The following IL1R1 variants were observed in gnomAD, a reference collection of about 807,000 sequenced individuals.
IL1R1 encodes interleukin 1 receptor type 1, also known as interleukin-1 receptor type 1.
In IL1R1, 22 loss-of-function variants were observed where a neutral mutation model predicts 50.2. The observed-to-expected ratio is 0.44, with a 90% CI of 0.31 to 0.63. IL1R1 has a LOEUF of 0.63. Among genes scored for constraint, IL1R1 ranks in the 20% least tolerant of loss-of-function variants. The pLI is 0.07. For synonymous variants in IL1R1, 251 were observed against 236.7 expected (o/e 1.06, Z -0.55); for missense variants, 509 against 676.2 (o/e 0.75, Z 2.74).
At chr2:102,103,130 T>C (rs1214170697), upstream of IL1R1, among the ~76,000 whole-genome samples, 1 of 152,144 alleles carries the variant, frequency 6.6e-6, no homozygotes, top group East Asian at 1.9e-4. Context: ...CCTGCACAAG[T>C]ACCCCTGAAA....
chr2:102,173,028 C>T (rs912576530), intron 9 of IL1R1, among the ~76,000 whole-genome samples, 190 bp downstream of exon 9: 5 of 152,170 alleles, frequency 3.3e-5, no homozygotes, highest in African/African-American at 7.2e-5. Context: ...TGCTGCCTGC[C>T]CTTAACCCAG....
At chr2:102,165,628 T>C (rs992372825) in intron 5 of IL1R1, among the ~76,000 whole-genome samples, 4 of 152,214 alleles carry the variant, frequency 2.6e-5, no homozygotes, top group African/African-American at 7.2e-5. Context: ...ACTATGTGTG[T>C]TTTATTGAAG....
chr2:102,144,866 G>A (rs1036876578), intron 1 of IL1R1, among the ~76,000 whole-genome samples: 2 of 152,174 alleles, frequency 1.3e-5, no homozygotes, highest in South Asian at 4.1e-4. Flanking sequence ...CTCCAAGTTT[G>A]TGGTGTCCCT....
chr2:102,126,186 A>G (rs999463567), intron 1 of IL1R1, among the ~76,000 whole-genome samples: 1 of 152,248 alleles, frequency 6.6e-6, no homozygotes, highest in African/African-American at 2.4e-5. Context: ...TAAAGAAGAT[A>G]TAAAAGGTAG....
chr2:102,173,831 A>G (rs1685888640), intron 9 of IL1R1, among the ~76,000 whole-genome samples: 1 of 152,216 alleles, frequency 6.6e-6, no homozygotes, highest in Non-Finnish European at 1.5e-5. Context: ...AATAAGAAAA[A>G]TAAATCTGGA....
intron 1 of IL1R1, among the ~76,000 whole-genome samples, chr2:102,148,287 T>C (rs1470518222): frequency 1.3e-5 from 2 of 152,186 alleles, no homozygotes; most frequent in African/African-American, 4.8e-5. Flanking sequence ...AGTTCCTGGG[T>C]GGGCTCTGTG....
intron 1 of IL1R1, among the ~76,000 whole-genome samples, chr2:102,147,121 G>T (rs913747532): frequency 6.6e-6 from 1 of 152,184 alleles, no homozygotes; most frequent in Non-Finnish European, 1.5e-5. Flanking sequence ...GTGTGTGGGG[G>T]TGAAGGGCCA....
intron 1 of IL1R1, among the ~76,000 whole-genome samples, chr2:102,085,437 C>G (rs1679391705): frequency 6.6e-6 from 1 of 152,138 alleles, no homozygotes; most frequent in Admixed American, 6.6e-5. Flanking sequence ...CTCCATTTGA[C>G]TATCCAAATG....
intron 1 of IL1R1, among the ~76,000 whole-genome samples, chr2:102,115,284 T>A (rs1190535186): frequency 1.3e-5 from 2 of 152,194 alleles, no homozygotes; most frequent in South Asian, 2.1e-4. Context: ...ACCAAGCCTG[T>A]CCATAGTGAT....
At chr2:102,098,851 C>A (rs765671941) in intron 1 of IL1R1, among the ~76,000 whole-genome samples, 2 of 152,100 alleles carry the variant, frequency 1.3e-5, no homozygotes, top group Non-Finnish European at 2.9e-5. Context: ...CTAATGAGAA[C>A]CTTTGGAATC....
rs1685170200 is a variant in IL1R1, at chr2:102,166,224, T to C, written c.598T>C (p.Tyr200His). The C allele has an allele frequency of 3.7e-6, 6 of 1,613,882 alleles. No individual in the cohort carries two copies. Among genetic ancestry groups the C allele is most frequent in the Admixed American group, 1.7e-5 (1 of 60,014 alleles). Residue 200 changes from tyrosine to histidine, a missense_variant, in exon 6 of 12, where the codon TAC (tyrosine) becomes CAC (histidine). Tyr to His is a moderately conservative substitution (Grantham distance 83). Transcript: ENST00000410023. ...AGGGAACTATACTTGTCATGCATCC[T>C]ACACATACTTGGGCAAGCAATATCC... is the stretch of plus-strand genomic sequence containing the variant. ...HRGNYTCHAS[Y>H]TYLGKQYPIT... is the part of the protein sequence containing the mutation.
intron 10 of IL1R1, 97 bp from the exon 11 acceptor site, chr2:102,175,378 AGAT>A: frequency 1.1e-6 from 1 of 888,832 alleles, no homozygotes. Flanking sequence ...GTATAAAAAA[AGAT>A]GAATAGTTCA....
chr2:102,087,423 G>C (rs1204852467), intron 1 of IL1R1, among the ~76,000 whole-genome samples: 1 of 152,194 alleles, frequency 6.6e-6, no homozygotes, highest in Admixed American at 6.5e-5. Flanking sequence ...TTCAAGATTG[G>C]AGTTAATCCT....
chr2:102,125,011 G>C (rs1019074684), intron 1 of IL1R1, among the ~76,000 whole-genome samples: 1 of 149,954 alleles, frequency 6.7e-6, no homozygotes, highest in Non-Finnish European at 1.5e-5. Context: ...CTCCCATCAG[G>C]TTCCTCCCTT....
At chr2:102,081,986 G>C (rs1000902815) in intron 1 of IL1R1, among the ~76,000 whole-genome samples, 1 of 152,172 alleles carries the variant, frequency 6.6e-6, no homozygotes, top group Non-Finnish European at 1.5e-5. Context: ...TCAAATGTTA[G>C]CCTGCCTCAG....
chr2:102,166,045 C>T (rs1397757666), intron 5 of IL1R1, 68 bp from the exon 6 acceptor site: 2 of 1,360,676 alleles, frequency 1.5e-6, no homozygotes, highest in African/African-American at 2.9e-5. Context: ...AAATGGAGCT[C>T]CTTTGGCGGT....
At chr2:102,170,881 T>C (rs1489117471) in intron 7 of IL1R1, among the ~76,000 whole-genome samples, 2 of 152,128 alleles carry the variant, frequency 1.3e-5, no homozygotes, top group African/African-American at 4.8e-5. Context: ...GCCAAGATGT[T>C]GAAACACCAT....
chr2:102,164,486 G>A lies in IL1R1; in HGVS notation c.62-288G>A, dbSNP rs75138676. Among the ~76,000 whole-genome samples the A allele has an allele frequency of 4.8e-3, 736 of 152,210 alleles. 4 individuals carry two copies. The highest frequency in any genetic ancestry group is 0.017 in the African/African-American group (713 of 41,532). On this transcript the variant is annotated intron_variant, in intron 3 of 11. Transcript: ENST00000410023. ...TCTATTACTCCATCTTGTACTGAAAGGCATGTCTCTCCTCCTACATTGTCC... is the reference window on the plus strand; with the variant it reads ...TCTATTACTCCATCTTGTACTGAAAAGCATGTCTCTCCTCCTACATTGTCC...
chr2:102,147,761 A>G (rs1176033915), intron 1 of IL1R1, among the ~76,000 whole-genome samples: 1 of 152,154 alleles, frequency 6.6e-6, no homozygotes, highest in African/African-American at 2.4e-5. Context: ...CTTAAAATCC[A>G]CATGCCTTAG....
Sources: gnomAD v4.1 joint callset for allele counts (sites outside exome capture counted in the v4.1 genomes callset) on GRCh38, gnomAD v4.1.1 for gene constraint, MANE v1.5 for transcripts, NCBI Gene and HGNC (gene_info 2026-07-23, HGNC 2026-07-21) for gene names.